The following DNM1L variants were observed in gnomAD, a reference collection of about 807,000 sequenced individuals.
The protein encoded by DNM1L is dynamin-1-like protein.
DNM1L carries 33 observed loss-of-function variants against 92.8 expected under a neutral mutation model. The ratio of observed to expected loss-of-function variants is 0.36; its 90% CI spans 0.27 to 0.48. DNM1L has a LOEUF of 0.48. DNM1L is among the 20% of genes least tolerant of loss of function. DNM1L has a pLI of 0.99. For missense variants in DNM1L, 485 were observed against 888.8 expected, an observed-to-expected ratio of 0.55 and a Z score of 5.78; for synonymous variants, 284 against 305.0, an observed-to-expected ratio of 0.93 and a Z score of 0.72.
At chr12:32,686,869 T>C (rs879680923) in intron 1 of DNM1L, among the ~76,000 whole-genome samples, 8 of 152,104 alleles carry the variant, frequency 5.3e-5, no homozygotes, top group Non-Finnish European at 1.2e-4. Context: ...TGACTAATGG[T>C]GTTGAACATC....
chr12:32,682,556 A>G (rs1951851228), intron 1 of DNM1L, among the ~76,000 whole-genome samples: 1 of 152,182 alleles, frequency 6.6e-6, no homozygotes, highest in Non-Finnish European at 1.5e-5. Flanking sequence ...CTAATTTGAA[A>G]AACATATTAG....
rs750766786 is a variant in DNM1L at position 32,737,110 on chromosome 12, A to G, written c.1545A>G (p.Gln515=). The G allele has an allele frequency of 9.3e-6, 15 of 1,613,784 alleles. No individual in the cohort carries two copies. The South Asian group carries it at 1.6e-4, about 18-fold the overall frequency. The stretch of plus-strand genomic sequence containing the variant: ...GTTTTGCTTGTGTTTCTTAGGAACA[A>G]AGGAGAAACAGGCTAGCCAGAGAAT... ...CGLMNNNIEE[Q]RRNRLARELP... Residue 515 remains glutamine, a synonymous_variant, in exon 14 of 20, where the codon CAA becomes CAG. Coordinates refer to ENST00000549701, the MANE Select transcript of DNM1L (RefSeq NM_012062.5).
intron 4 of DNM1L, 35 bp downstream of exon 4, chr12:32,708,259 T>G (rs779805763): frequency 7.8e-7 from 1 of 1,286,402 alleles, no homozygotes; most frequent in South Asian, 1.2e-5. Context: ...GGCATAAGCA[T>G]CAGTAAATAT....
At chr12:32,695,209 G>A (rs1952391030) in intron 1 of DNM1L, among the ~76,000 whole-genome samples, 1 of 152,126 alleles carries the variant, frequency 6.6e-6, no homozygotes, top group African/African-American at 2.4e-5. Flanking sequence ...GAGTATAAAG[G>A]CAGAGTAGCT....
intron 2 of DNM1L, among the ~76,000 whole-genome samples, chr12:32,703,172 T>G (rs1217605113): frequency 6.6e-6 from 1 of 152,104 alleles, no homozygotes; most frequent in Non-Finnish European, 1.5e-5. Flanking sequence ...AAAATTGTGC[T>G]TGTTAGAAAA....
intron 1 of DNM1L, among the ~76,000 whole-genome samples, chr12:32,696,900 C>G (rs1428286972): frequency 6.7e-6 from 1 of 150,300 alleles, no homozygotes; most frequent in East Asian, 2.0e-4. Context: ...GCTGGGATTA[C>G]AGGCGTGAGC....
At chr12:32,738,154 C>A in intron 15 of DNM1L, 110 bp from the exon 16 acceptor site, 1 of 1,335,144 alleles carries the variant, frequency 7.5e-7, no homozygotes, top group Non-Finnish European at 1.1e-6. Flanking sequence ...AGAAGATGCA[C>A]ACAGAAAAAG....
intron 1 of DNM1L, among the ~76,000 whole-genome samples, chr12:32,698,454 T>C (rs559997556): frequency 6.6e-6 from 1 of 152,312 alleles, no homozygotes; most frequent in East Asian, 1.9e-4. Context: ...TGTTCTCTTG[T>C]TACTAGCCTG....
rs2060411915 is a variant in DNM1L at position 32,731,172 on chromosome 12, G to A, written c.1200+38G>A. ...AGCTTTTTAGACTGTAAAAAAAAATGAGGTTAAAGTTTTTCTTACCCATAT... is the reference window on the plus strand; with the variant it reads ...AGCTTTTTAGACTGTAAAAAAAAATAAGGTTAAAGTTTTTCTTACCCATAT... On this transcript the variant is annotated intron_variant, in intron 10 of 19. Transcript: ENST00000549701. The surrounding 1 kb of genome is among the most constrained non-coding windows in gnomAD (Gnocchi z 5.1). The A allele has an allele frequency of 6.2e-7, 1 of 1,612,710 alleles. No homozygotes were observed. Among genetic ancestry groups the A allele is most frequent in the South Asian group, 1.1e-5 (1 of 90,890 alleles).
intron 1 of DNM1L, among the ~76,000 whole-genome samples, chr12:32,692,316 A>ATGTC (rs1952265457): frequency 6.6e-6 from 1 of 152,134 alleles, no homozygotes; most frequent in Admixed American, 6.5e-5. Flanking sequence ...TTTAGTTTGA[A>ATGTC]TGTCTGGAAT....
chr12:32,680,087 G>A, intron 1 of DNM1L: 1 of 859,396 alleles, frequency 1.2e-6, no homozygotes, highest in African/African-American at 1.8e-5. Flanking sequence ...TGTATCTAGA[G>A]TTCTGCGGGT....
At chr12:32,732,247 T>C (rs1252449166) in intron 12 of DNM1L, among the ~76,000 whole-genome samples, 2 of 152,212 alleles carry the variant, frequency 1.3e-5, no homozygotes, top group Non-Finnish European at 2.9e-5. Flanking sequence ...TTAGTACCAC[T>C]GATCTTAAGA....
At chr12:32,738,124 C>T (rs529382408) in intron 15 of DNM1L, 140 bp from the exon 16 acceptor site, 2 of 1,117,656 alleles carry the variant, frequency 1.8e-6, no homozygotes, top group African/African-American at 3.1e-5. Flanking sequence ...ATATTGTTGA[C>T]ATGCTTTTGC....
chr12:32,739,585 T>C (rs1366427371), intron 16 of DNM1L, among the ~76,000 whole-genome samples: 1 of 152,226 alleles, frequency 6.6e-6, no homozygotes, highest in African/African-American at 2.4e-5. Context: ...CTATTAGAAA[T>C]GTAAATTGAG....
Position 32,713,319 on chromosome 12 carries a change from A to T in DNM1L, c.567A>T (p.Thr189=). The T allele has an allele frequency of 6.2e-7, 1 of 1,613,950 alleles. No homozygotes were observed. ...SIILAVTAAN[T]DMATSEALKI... ...TCCTCGCTGTCACTGCTGCTAATACAGATATGGCAACATCAGAGGCACTTA... is the reference window on the plus strand; with the variant it reads ...TCCTCGCTGTCACTGCTGCTAATACTGATATGGCAACATCAGAGGCACTTA... The change falls in exon 6 of 20, where the codon ACA becomes ACT. Residue 189 remains threonine, a synonymous_variant. Transcript: ENST00000549701.
chr12:32,743,684 C>G lies in DNM1L; in HGVS notation c.*274C>G, dbSNP rs1341555830. 2 of 457,938 alleles carry G rather than the reference C, an allele frequency of 4.4e-6. No homozygotes were observed. 28.4% of individuals were successfully genotyped at this position (457,938 alleles called of 1,614,324 possible). A position where few individuals can be genotyped will look rare whatever the true frequency, so the allele number is the denominator to read the frequency against. ...TCATCTGAACTTAACTTAAAAACAA[C>G]TGTTAATGTTCTAGTTGTGCAAAGC... On this transcript the variant is annotated 3_prime_UTR_variant, in exon 20 of 20. Transcript: ENST00000549701.
rs1953962159 is a variant in DNM1L at position 32,724,349 on chromosome 12, A to G, written c.1079+1716A>G. The stretch of plus-strand genomic sequence containing the variant: ...TCCCAGCACTTTGGGAGGCTGAGGC[A>G]GGCAGATTACGAGGTCGAGAGATCA... On this transcript the variant is annotated intron_variant, in intron 9 of 19. Transcript: ENST00000549701. Among the ~76,000 whole-genome samples the G allele has an allele frequency of 2.6e-5, 4 of 151,970 alleles. No individual in the cohort carries two copies. The South Asian group carries it at 8.3e-4, about 31-fold the overall frequency.
intron 9 of DNM1L, chr12:32,729,070 C>G (rs1356154741): frequency 6.6e-6 from 1 of 152,036 alleles, no homozygotes; most frequent in Non-Finnish European, 1.5e-5. Context: ...GGATTACAGG[C>G]ATGAGCCACT....
intron 1 of DNM1L, among the ~76,000 whole-genome samples, chr12:32,687,311 G>T (rs1952055163): frequency 1.3e-5 from 2 of 151,794 alleles, no homozygotes; most frequent in Admixed American, 1.3e-4. Flanking sequence ...GTACATCTTG[G>T]TATGGTATGA....
Sources: allele counts gnomAD v4.1 joint callset (sites outside exome capture counted in the v4.1 genomes callset), GRCh38; gene constraint gnomAD v4.1.1; non-coding constraint Gnocchi (gnomAD v3.1); transcripts MANE v1.5; gene names NCBI Gene and HGNC (gene_info 2026-07-23, HGNC 2026-07-21).